IPCEF1: variants seen among roughly 807,000 people sequenced by gnomAD.
IPCEF1 encodes interactor protein for cytohesin exchange factors 1.
A neutral mutation model predicts 50.9 loss-of-function variants in IPCEF1; 31 were observed. The ratio of observed to expected loss-of-function variants is 0.61; its 90% CI spans 0.46 to 0.82. The LOEUF is 0.82. Among genes scored for constraint, IPCEF1 ranks in the 40% least tolerant of loss-of-function variants. The pLI, the probability that IPCEF1 is intolerant of heterozygous loss-of-function variation, is 0.00. For missense variants in IPCEF1, 458 were observed against 514.0 expected (o/e 0.89, Z 1.05); for synonymous variants, 181 against 192.0 (o/e 0.94, Z 0.47).
intron 1 of IPCEF1, among the ~76,000 whole-genome samples, chr6:154,299,157 A>G (rs1775144864): frequency 7.1e-6 from 1 of 140,732 alleles, no homozygotes; most frequent in Non-Finnish European, 1.6e-5. Flanking sequence ...TTAGCATCCT[A>G]AAGCCCCTCT....
intron 5 of IPCEF1, among the ~76,000 whole-genome samples, chr6:154,224,980 T>G (rs574510442): frequency 1.4e-4 from 21 of 152,302 alleles, no homozygotes; most frequent in African/African-American, 5.1e-4. Context: ...CAATCCGCCT[T>G]ACAAAAAAGT....
chr6:154,269,925 C>T (rs1173155462), intron 2 of IPCEF1, among the ~76,000 whole-genome samples: 1 of 152,174 alleles, frequency 6.6e-6, no homozygotes, highest in East Asian at 1.9e-4. Context: ...ATAGGTAGCT[C>T]CAAGGTTTTG....
At chr6:154,272,875 T>A (rs901777053) in intron 2 of IPCEF1, among the ~76,000 whole-genome samples, 1 of 152,208 alleles carries the variant, frequency 6.6e-6, no homozygotes, top group Non-Finnish European at 1.5e-5. Flanking sequence ...GTATTTTTTT[T>A]AAGAATCAAG....
intron 10 of IPCEF1, among the ~76,000 whole-genome samples, chr6:154,198,313 G>T (rs575755155): frequency 6.6e-6 from 1 of 152,262 alleles, no homozygotes; most frequent in South Asian, 2.1e-4. Context: ...CTGAGGGCGG[G>T]TTGAGACTAC....
intron 9 of IPCEF1, among the ~76,000 whole-genome samples, chr6:154,202,548 C>T (rs939748923): frequency 3.9e-5 from 6 of 152,128 alleles, no homozygotes; most frequent in Non-Finnish European, 7.4e-5. Flanking sequence ...TTCCTTTTTT[C>T]GAAACAACAC....
At chr6:154,353,735 T>C (rs1784156947) in intron 1 of IPCEF1, among the ~76,000 whole-genome samples, 1 of 152,240 alleles carries the variant, frequency 6.6e-6, no homozygotes, top group Non-Finnish European at 1.5e-5. Context: ...ACTCATATAT[T>C]AACATTTTAA....
chr6:154,339,782 G>A (rs1211873407), intron 1 of IPCEF1, among the ~76,000 whole-genome samples: 1 of 151,890 alleles, frequency 6.6e-6, no homozygotes, highest in Non-Finnish European at 1.5e-5. Context: ...TTTTTGTAGA[G>A]ATGGGGTCTC....
At chr6:154,267,147 A>AC (rs35327449) in intron 2 of IPCEF1, among the ~76,000 whole-genome samples, 143,179 of 152,016 alleles carry the variant, frequency 0.94, 67,463 homozygotes, top group East Asian at 1. Context: ...CTTAAAAAAA[A>AC]ATTAAAACCT....
At chr6:154,229,852 C>T (rs1779585651) in intron 5 of IPCEF1, among the ~76,000 whole-genome samples, 1 of 152,186 alleles carries the variant, frequency 6.6e-6, no homozygotes, top group African/African-American at 2.4e-5. Context: ...TAGAATATGA[C>T]ACAGCCATAC....
chr6:154,184,273 A>C (rs1801146311), intron 10 of IPCEF1, among the ~76,000 whole-genome samples: 1 of 152,130 alleles, frequency 6.6e-6, no homozygotes, highest in African/African-American at 2.4e-5. Context: ...TAGAATGTTT[A>C]CTGTAACACT....
chr6:154,342,236 T>C (rs1783933779), intron 1 of IPCEF1, among the ~76,000 whole-genome samples: 1 of 152,190 alleles, frequency 6.6e-6, no homozygotes, highest in African/African-American at 2.4e-5. Context: ...ATAACGTCAT[T>C]ACAAGCTTAT....
intron 10 of IPCEF1, among the ~76,000 whole-genome samples, chr6:154,176,196 A>T (rs146149859): frequency 1.8e-3 from 271 of 152,340 alleles, no homozygotes; most frequent in Middle Eastern, 3.4e-3. Flanking sequence ...GCTATTTATG[A>T]CAAACCCACA....
At chr6:154,346,314 T>G (rs185841932) in intron 1 of IPCEF1, among the ~76,000 whole-genome samples, 1,776 of 152,296 alleles carry the variant, frequency 0.012, 17 homozygotes, top group Non-Finnish European at 0.019. Context: ...GCATTCTATA[T>G]GTACTAAGGA....
intron 5 of IPCEF1, among the ~76,000 whole-genome samples, chr6:154,237,547 T>C (rs909294032): frequency 6.6e-6 from 1 of 152,234 alleles, no homozygotes; most frequent in African/African-American, 2.4e-5. Context: ...ATTTTTTAAA[T>C]ATTGCTTTTA....
intron 2 of IPCEF1, among the ~76,000 whole-genome samples, chr6:154,282,709 T>G (rs1782254880): frequency 6.6e-6 from 1 of 151,786 alleles, no homozygotes. Flanking sequence ...ACTAGCTGGA[T>G]CAAAGTACTT....
intron 2 of IPCEF1, among the ~76,000 whole-genome samples, chr6:154,273,700 C>CTTTTTCT (rs1583931582): frequency 3.4e-5 from 1 of 29,366 alleles, no homozygotes; most frequent in Admixed American, 6.2e-4. Flanking sequence ...AAGCTTTTTT[C>CTTTTTCT]TTTTTTTCTT....
chr6:154,313,685 A>G (rs558998404), intron 1 of IPCEF1, among the ~76,000 whole-genome samples: 1 of 152,308 alleles, frequency 6.6e-6, no homozygotes, highest in South Asian at 2.1e-4. Context: ...ATGCTTTAAT[A>G]TAAAAGAGAT....
At position 154,192,100 on chromosome 6, in the gene IPCEF1, G is replaced by T. The variant is rs192394471; in HGVS notation, c.910+7568C>A. ...ATATTACAAAGGGTTTCTGCATTATGCCTGCACTTCTCTAGGGGTATACAC... is the reference window on the plus strand; with the variant it reads ...ATATTACAAAGGGTTTCTGCATTATTCCTGCACTTCTCTAGGGGTATACAC... On this transcript the variant is annotated intron_variant, in intron 10 of 11. Coordinates refer to ENST00000367220, the MANE Select transcript of IPCEF1 (RefSeq NM_001130700.2). Among the ~76,000 whole-genome samples, 978 of 152,290 alleles carry T rather than the reference G, an allele frequency of 6.4e-3. 7 individuals carry two copies. Among genetic ancestry groups the T allele is most frequent in the Non-Finnish European group, 7.7e-3 (522 of 68,026 alleles).
At chr6:154,209,728 C>A (rs898331013) in intron 9 of IPCEF1, among the ~76,000 whole-genome samples, 1 of 151,714 alleles carries the variant, frequency 6.6e-6, no homozygotes, top group Admixed American at 6.6e-5. Flanking sequence ...TAACCAAGTG[C>A]CTTCCATGTC....
Sources: gnomAD v4.1 joint callset for allele counts (sites outside exome capture counted in the v4.1 genomes callset) on GRCh38, gnomAD v4.1.1 for gene constraint, MANE v1.5 for transcripts, NCBI Gene and HGNC (gene_info 2026-07-23, HGNC 2026-07-21) for gene names.